Variants in PRKCE observed in about 807,000 individuals in gnomAD.
PRKCE encodes the protein protein kinase C epsilon type.
In PRKCE, 16 loss-of-function variants were observed where a neutral mutation model predicts 85.4. That is an observed-to-expected ratio of 0.19 (90% confidence interval 0.13 to 0.28). The LOEUF (loss-of-function observed/expected upper bound fraction) is 0.28. Ranked by LOEUF, PRKCE falls within the 10% of genes least tolerant of loss-of-function variation. The pLI, the probability that PRKCE is intolerant of heterozygous loss-of-function variation, is 1.00. For missense variants in PRKCE, 573 were observed against 975.2 expected (o/e 0.59, Z 5.49); for synonymous variants, 388 against 371.5 (o/e 1.04, Z -0.51).
At chr2:46,088,185 C>G (rs1669823978) in intron 11 of PRKCE, among the ~76,000 whole-genome samples, 1 of 152,204 alleles carries the variant, frequency 6.6e-6, no homozygotes, top group Admixed American at 6.5e-5. Context: ...AGTTGGGGGT[C>G]ACTTTAGGCT....
At chr2:45,743,020 T>G (rs997472062) in intron 1 of PRKCE, among the ~76,000 whole-genome samples, 22 of 152,100 alleles carry the variant, frequency 1.4e-4, no homozygotes, top group African/African-American at 5.3e-4. Flanking sequence ...AAGCCAGTCA[T>G]AGAAAAATAA....
intron 1 of PRKCE, among the ~76,000 whole-genome samples, chr2:45,688,360 A>C (rs1260712256): frequency 1.3e-5 from 2 of 152,158 alleles, no homozygotes; most frequent in Non-Finnish European, 2.9e-5. Context: ...GGGTAAGCTG[A>C]GATTCATGGA....
At chr2:45,723,571 G>T (rs1244698316) in intron 1 of PRKCE, among the ~76,000 whole-genome samples, 12 of 152,058 alleles carry the variant, frequency 7.9e-5, no homozygotes. Context: ...ACTCAGGACA[G>T]CTCACTGGTT....
chr2:45,888,423 G>A (rs1484667144), intron 2 of PRKCE, among the ~76,000 whole-genome samples: 1 of 149,188 alleles, frequency 6.7e-6, no homozygotes, highest in African/African-American at 2.5e-5. Context: ...AAAGCCTCAT[G>A]CCTCATCTTT....
chr2:45,720,376 G>A (rs931986441), intron 1 of PRKCE, among the ~76,000 whole-genome samples: 5 of 152,148 alleles, frequency 3.3e-5, no homozygotes, highest in African/African-American at 7.2e-5. Flanking sequence ...CTAGGGATTT[G>A]AGGGCTCCCC....
chr2:45,976,454 G>T lies in PRKCE; in HGVS notation c.438G>T (p.Val146=). The T allele has an allele frequency of 6.3e-7, 1 of 1,599,758 alleles. No individual in the cohort carries two copies. Among genetic ancestry groups the T allele is most frequent in the Non-Finnish European group, 8.5e-7 (1 of 1,179,944 alleles). ...GEAPKDNEER[V]FRERMRPRKR... ...CCCCTAAAGACAATGAAGAGCGTGTGTTCAGGGAACGCATGCGGCCGAGGA... is the reference window on the plus strand; with the variant it reads ...CCCCTAAAGACAATGAAGAGCGTGTTTTCAGGGAACGCATGCGGCCGAGGA... The change falls in exon 3 of 15, where the codon GTG becomes GTT. Residue 146 remains valine (V), a synonymous_variant. Transcript: ENST00000306156.
At chr2:45,718,245 G>A (rs140333846) in intron 1 of PRKCE, among the ~76,000 whole-genome samples, 265 of 152,058 alleles carry the variant, frequency 1.7e-3, no homozygotes, top group African/African-American at 6.2e-3. Flanking sequence ...AATGTCCCCT[G>A]CAGGGCAAAA....
intron 6 of PRKCE, among the ~76,000 whole-genome samples, chr2:45,997,594 T>A (rs1704321691): frequency 6.6e-6 from 1 of 152,200 alleles, no homozygotes; most frequent in Non-Finnish European, 1.5e-5. Context: ...TCACCCAGGC[T>A]GGAGTGCAGT....
At chr2:46,046,063 G>T (rs1256542080) in intron 10 of PRKCE, among the ~76,000 whole-genome samples, 1 of 152,204 alleles carries the variant, frequency 6.6e-6, no homozygotes, top group Non-Finnish European at 1.5e-5. Context: ...GCTGTCATGG[G>T]AAGATGGTAT....
intron 2 of PRKCE, among the ~76,000 whole-genome samples, chr2:45,890,426 C>A (rs868670158): frequency 7.2e-5 from 11 of 152,288 alleles, no homozygotes; most frequent in Middle Eastern, 3.4e-3. Flanking sequence ...GTCTCCCAGA[C>A]TGGATTGCGG....
chr2:45,942,747 A>G (rs1699974998), intron 2 of PRKCE, among the ~76,000 whole-genome samples: 1 of 152,168 alleles, frequency 6.6e-6, no homozygotes. Flanking sequence ...CTTGAGATTC[A>G]GTTTTTTTCA....
intron 1 of PRKCE, among the ~76,000 whole-genome samples, chr2:45,727,812 A>G (rs1468274761): frequency 3.3e-5 from 5 of 151,882 alleles, no homozygotes; most frequent in African/African-American, 1.2e-4. Flanking sequence ...CCGCCACCAC[A>G]CCCAGCTAAT....
intron 2 of PRKCE, among the ~76,000 whole-genome samples, chr2:45,858,028 G>C (rs1030569388): frequency 7.2e-5 from 11 of 152,238 alleles, no homozygotes; most frequent in African/African-American, 2.7e-4. Flanking sequence ...TGGCCTGTGT[G>C]CTGTTTGAAG....
chr2:45,940,520 C>T (rs571676551), intron 2 of PRKCE, among the ~76,000 whole-genome samples: 33 of 152,262 alleles, frequency 2.2e-4, no homozygotes, highest in African/African-American at 7.9e-4. Flanking sequence ...AGGCCCAAGT[C>T]AGTCAAAGAA....
intron 10 of PRKCE, among the ~76,000 whole-genome samples, chr2:46,023,089 C>CAAAAGAAA (rs1706812145): frequency 1.4e-5 from 1 of 71,494 alleles, no homozygotes; most frequent in Non-Finnish European, 2.5e-5. Flanking sequence ...GACTCCGTCT[C>CAAAAGAAA]AAAAAAAAAA....
intron 7 of PRKCE, among the ~76,000 whole-genome samples, chr2:46,003,717 G>T (rs2104746696): frequency 6.6e-6 from 1 of 152,300 alleles, no homozygotes; most frequent in East Asian, 1.9e-4. Context: ...GGTGGAGGGG[G>T]ACGTTATGGA....
chr2:45,994,695 C>A (rs1020928685), intron 6 of PRKCE, among the ~76,000 whole-genome samples: 8 of 152,154 alleles, frequency 5.3e-5, no homozygotes, highest in African/African-American at 1.9e-4. Flanking sequence ...TACTAAAGGA[C>A]ATTTTGCTTG....
intron 2 of PRKCE, among the ~76,000 whole-genome samples, chr2:45,910,499 G>T (rs898144757): frequency 2.0e-4 from 31 of 152,298 alleles, no homozygotes; most frequent in African/African-American, 7.0e-4. Flanking sequence ...ACCTTACATG[G>T]GAGTAGGCTA....
intron 6 of PRKCE, among the ~76,000 whole-genome samples, chr2:45,996,937 C>A (rs1704269270): frequency 6.6e-6 from 1 of 151,986 alleles, no homozygotes; most frequent in African/African-American, 2.4e-5. Context: ...CAGAATTCAC[C>A]ATTTGGGCCT....
Sources: allele counts gnomAD v4.1 joint callset (sites outside exome capture counted in the v4.1 genomes callset), GRCh38; gene constraint gnomAD v4.1.1; transcripts MANE v1.5; gene names NCBI Gene and HGNC (gene_info 2026-07-23, HGNC 2026-07-21).